ZFAT: variants seen among roughly 807,000 people sequenced by gnomAD.
The protein encoded by ZFAT is zinc finger protein ZFAT.
ZFAT carries 64 observed loss-of-function variants against 117.7 expected under a neutral mutation model. The ratio of observed to expected loss-of-function variants is 0.54; its 90% CI spans 0.44 to 0.67. ZFAT has a LOEUF of 0.67. Among genes scored for constraint, ZFAT ranks in the 30% least tolerant of loss-of-function variants. ZFAT has a pLI of 0.00. For synonymous variants in ZFAT, 679 were observed against 615.0 expected, an observed-to-expected ratio of 1.10 and a Z score of -1.54; for missense variants, 1,433 against 1,584.5, an observed-to-expected ratio of 0.90 and a Z score of 1.62.
At chr8:134,714,545 C>G (rs1471486552), upstream of ZFAT, among the ~76,000 whole-genome samples, 1 of 152,262 alleles carries the variant, frequency 6.6e-6, no homozygotes, top group African/African-American at 2.4e-5. Flanking sequence ...GACTGCCCGC[C>G]TGCTCCTTAA....
chr8:134,494,188 C>A (rs1281046402), intron 15 of ZFAT, among the ~76,000 whole-genome samples: 1 of 152,196 alleles, frequency 6.6e-6, no homozygotes, highest in East Asian at 1.9e-4. Context: ...CCCTGCACAG[C>A]TGTGCGGCTG....
At chr8:134,732,928 T>G in the ZFAT span, among the ~76,000 whole-genome samples, 1 of 152,120 alleles carries the variant, frequency 6.6e-6, no homozygotes, top group South Asian at 2.1e-4. Flanking sequence ...TACAGGAGAT[T>G]CCTCACAAAG....
the ZFAT span, among the ~76,000 whole-genome samples, chr8:134,827,404 C>G: frequency 6.6e-6 from 1 of 152,098 alleles, no homozygotes; most frequent in East Asian, 1.9e-4. Flanking sequence ...ATCACAAAAT[C>G]TAAACTTTTT....
chr8:134,497,069 T>C (rs1265261352), intron 15 of ZFAT, among the ~76,000 whole-genome samples: 2 of 152,150 alleles, frequency 1.3e-5, no homozygotes, highest in Non-Finnish European at 2.9e-5. Context: ...CCTCCCACAG[T>C]CAGCACGGGC....
At chr8:134,726,020 C>T in the ZFAT span, among the ~76,000 whole-genome samples, 6 of 152,066 alleles carry the variant, frequency 3.9e-5, no homozygotes, top group Non-Finnish European at 8.8e-5. Flanking sequence ...CATGTTGTGC[C>T]AGGCACTGCC....
chr8:134,569,217 C>T (rs975105634), intron 10 of ZFAT, among the ~76,000 whole-genome samples: 2 of 152,058 alleles, frequency 1.3e-5, no homozygotes, highest in Non-Finnish European at 1.5e-5. Flanking sequence ...TGGATGAGGA[C>T]CTGGTATCAA....
chr8:134,604,161 T>C (rs530190759), intron 5 of ZFAT, among the ~76,000 whole-genome samples: 1 of 152,192 alleles, frequency 6.6e-6, no homozygotes, highest in Non-Finnish European at 1.5e-5. Flanking sequence ...ATTGAGTATG[T>C]GTAGTATGAT....
At chr8:134,644,113 A>G (rs1830738585) in intron 2 of ZFAT, among the ~76,000 whole-genome samples, 1 of 152,220 alleles carries the variant, frequency 6.6e-6, no homozygotes, top group African/African-American at 2.4e-5. Flanking sequence ...GCCCTGCTGC[A>G]CTGAAACTGC....
chr8:134,494,195 G>C (rs1818261841), intron 15 of ZFAT, among the ~76,000 whole-genome samples: 1 of 152,168 alleles, frequency 6.6e-6, no homozygotes, highest in Non-Finnish European at 1.5e-5. Context: ...CAGCTGTGCG[G>C]CTGTTGGGGT....
chr8:134,584,153 C>T lies in ZFAT; in HGVS notation c.2714-148G>A, dbSNP rs564166905. Reference sequence around the variant, plus strand: ...CGTTTTGAACACAGCAGTATACTTGCTTGGCCCTAACACACCACACACTTT... The same window carrying T: ...CGTTTTGAACACAGCAGTATACTTGTTTGGCCCTAACACACCACACACTTT... On this transcript the variant is annotated intron_variant, in intron 9 of 15. Coordinates refer to ENST00000377838, the MANE Select transcript of ZFAT (RefSeq NM_020863.4). 136 of 931,846 alleles carry T rather than the reference C, an allele frequency of 1.5e-4. No homozygotes were observed. The South Asian group carries it at 2.6e-3, about 17-fold the overall frequency. The allele number at this position is 931,846 out of a possible 1,614,324, so 57.7% of individuals were successfully genotyped here.
At chr8:134,675,315 T>C (rs1832743293) in intron 1 of ZFAT, among the ~76,000 whole-genome samples, 1 of 152,010 alleles carries the variant, frequency 6.6e-6, no homozygotes, top group African/African-American at 2.4e-5. Flanking sequence ...CATATACAAG[T>C]ATCAATAGCC....
At chr8:134,756,359 T>A in the ZFAT span, among the ~76,000 whole-genome samples, 1 of 152,202 alleles carries the variant, frequency 6.6e-6, no homozygotes, top group East Asian at 1.9e-4. Context: ...ATCGTGACCA[T>A]GACTGAGATG....
At chr8:134,574,735 A>G (rs1040471740) in intron 10 of ZFAT, among the ~76,000 whole-genome samples, 2 of 152,158 alleles carry the variant, frequency 1.3e-5, no homozygotes, top group African/African-American at 4.8e-5. Context: ...TAAAGTACTT[A>G]GAGGAAAGAA....
intron 9 of ZFAT, among the ~76,000 whole-genome samples, chr8:134,586,090 A>G (rs760670613): frequency 6.6e-6 from 1 of 152,198 alleles, no homozygotes; most frequent in Non-Finnish European, 1.5e-5. Context: ...AAGAACCCCA[A>G]TGTATGGTGT....
chr8:134,704,155 G>A (rs1363175072), intron 1 of ZFAT, among the ~76,000 whole-genome samples: 1 of 152,154 alleles, frequency 6.6e-6, no homozygotes, highest in Non-Finnish European at 1.5e-5. Flanking sequence ...CATTACCTGA[G>A]CCTGGTTCCC....
In ZFAT at chr8:134,523,521, T is replaced by G. The variant is rs138788582; in HGVS notation, c.3116-2520A>C. On this transcript the variant is annotated intron_variant, in intron 12 of 15. Transcript: ENST00000377838. The stretch of plus-strand genomic sequence containing the variant: ...CTCTCTCAGCAGCTATTGTCTATCC[T>G]CCACTGTTGGTCCACTTCCCACCCA... Among the ~76,000 whole-genome samples, 398 of 152,290 alleles carry G rather than the reference T, an allele frequency of 2.6e-3. 1 individual carries two copies. Among genetic ancestry groups the G allele is most frequent in the African/African-American group, 9.2e-3 (383 of 41,572 alleles).
At chr8:134,774,003 T>G in the ZFAT span, among the ~76,000 whole-genome samples, 4 of 143,404 alleles carry the variant, frequency 2.8e-5, no homozygotes, top group Non-Finnish European at 6.1e-5. Flanking sequence ...TTTTTTTTTT[T>G]TTTTTTTTTG....
intron 8 of ZFAT, among the ~76,000 whole-genome samples, chr8:134,588,950 G>A (rs550342768): frequency 5.3e-5 from 8 of 152,240 alleles, no homozygotes; most frequent in Admixed American, 2.6e-4. Context: ...CATTTTAAAC[G>A]TTTTTATGGA....
the ZFAT span, among the ~76,000 whole-genome samples, chr8:134,752,102 T>A: frequency 1.3e-5 from 2 of 152,216 alleles, no homozygotes; most frequent in Non-Finnish European, 2.9e-5. Context: ...AACTTTGTCC[T>A]CCTTCATTCC....
Sources: gnomAD v4.1 joint callset for allele counts (sites outside exome capture counted in the v4.1 genomes callset) on GRCh38, gnomAD v4.1.1 for gene constraint, MANE v1.5 for transcripts, NCBI Gene and HGNC (gene_info 2026-07-23, HGNC 2026-07-21) for gene names.